Variants in WWOX observed in about 807,000 individuals in gnomAD.
WWOX encodes WW domain-containing oxidoreductase.
Under a neutral mutation model 46.2 loss-of-function variants are expected in WWOX, and 69 were observed. The observed-to-expected ratio is 1.49, with a 90% CI of 1.23 to 1.82. The LOEUF (loss-of-function observed/expected upper bound fraction) is 1.82, where lower values mean the gene tolerates loss of function less well. Among genes scored for constraint, WWOX ranks in the 40% most tolerant of loss-of-function variants. The pLI is 0.00. For missense variants in WWOX, 919 were observed against 542.6 expected (o/e 1.69, Z -6.89); for synonymous variants, 359 against 202.6 (o/e 1.77, Z -6.56).
At chr16:78,763,526 G>T (rs1416162219) in intron 8 of WWOX, among the ~76,000 whole-genome samples, 1 of 152,148 alleles carries the variant, frequency 6.6e-6, no homozygotes, top group Non-Finnish European at 1.5e-5. Flanking sequence ...TTTTTACATA[G>T]AGTATGAAAC....
At chr16:78,548,992 A>G (rs1457868015) in intron 8 of WWOX, among the ~76,000 whole-genome samples, 5 of 152,308 alleles carry the variant, frequency 3.3e-5, no homozygotes, top group Middle Eastern at 3.4e-3. Flanking sequence ...GGGTTGGTGT[A>G]ATATAATTCA....
intron 4 of WWOX, among the ~76,000 whole-genome samples, chr16:78,125,094 A>G (rs563826765): frequency 1.3e-5 from 2 of 152,288 alleles, no homozygotes; most frequent in East Asian, 3.9e-4. Context: ...TACCTCTACA[A>G]TGTACTTAAT....
intron 8 of WWOX, among the ~76,000 whole-genome samples, chr16:78,583,502 C>T (rs995030759): frequency 6.6e-6 from 1 of 152,164 alleles, no homozygotes; most frequent in South Asian, 2.1e-4. Flanking sequence ...CATCCCAGGT[C>T]ATAAAATGTA....
At chr16:78,193,869 A>AT (rs1313227563) in intron 5 of WWOX, among the ~76,000 whole-genome samples, 32 of 148,626 alleles carry the variant, frequency 2.2e-4, no homozygotes, top group Non-Finnish European at 4.0e-4. Context: ...TATTATTATT[A>AT]TTTTCTATTT....
intron 8 of WWOX, among the ~76,000 whole-genome samples, chr16:79,080,708 T>G (rs1372243819): frequency 6.6e-6 from 1 of 152,172 alleles, no homozygotes; most frequent in Non-Finnish European, 1.5e-5. Flanking sequence ...GGCTCATACC[T>G]GTAATCCCAG....
intron 5 of WWOX, among the ~76,000 whole-genome samples, chr16:78,384,464 T>C (rs1567540211): frequency 6.6e-6 from 1 of 152,172 alleles, no homozygotes; most frequent in Non-Finnish European, 1.5e-5. Flanking sequence ...TATCAGTTAC[T>C]CAGACAGCTT....
chr16:78,903,939 G>A (rs538995486), intron 8 of WWOX, among the ~76,000 whole-genome samples: 4 of 152,210 alleles, frequency 2.6e-5, no homozygotes, highest in South Asian at 4.2e-4. Flanking sequence ...CATTTTCTCC[G>A]GGCCAGCCAC....
At chr16:79,020,015 T>C (rs2656653) in intron 8 of WWOX, among the ~76,000 whole-genome samples, 117,174 of 152,162 alleles carry the variant, frequency 0.77, 45,817 homozygotes, top group African/African-American at 0.9. Context: ...GAGCTCATCA[T>C]TAACATGCCT....
At chr16:79,206,467 T>G (rs1567618273) in intron 8 of WWOX, 1 of 152,200 alleles carries the variant, frequency 6.6e-6, no homozygotes, top group East Asian at 1.9e-4. Context: ...TAAATGGAAA[T>G]ACTAACTGTC....
At chr16:78,931,488 G>A (rs1474767562) in intron 8 of WWOX, among the ~76,000 whole-genome samples, 1 of 152,206 alleles carries the variant, frequency 6.6e-6, no homozygotes, top group Non-Finnish European at 1.5e-5. Context: ...TGCTGGGCTG[G>A]GCCAGTTCAG....
chr16:78,732,717 C>T (rs12448888), intron 8 of WWOX, among the ~76,000 whole-genome samples: 30,101 of 151,964 alleles, frequency 0.2, 3,661 homozygotes, highest in African/African-American at 0.33. Context: ...ACTCAACTCC[C>T]TTGGTTAATT....
At chr16:78,995,002 G>GCCTCT (rs2046961730) in intron 8 of WWOX, among the ~76,000 whole-genome samples, 1 of 105,430 alleles carries the variant, frequency 9.5e-6, no homozygotes, top group South Asian at 3.2e-4. Context: ...TTTCCTCCCA[G>GCCTCT]CCTCTCTCCT....
chr16:78,827,679 A>AG (rs1781514200), intron 8 of WWOX, among the ~76,000 whole-genome samples: 1 of 151,398 alleles, frequency 6.6e-6, no homozygotes, highest in Admixed American at 6.6e-5. Context: ...CTAAAAATAA[A>AG]AAAAAAAAAA....
At chr16:78,293,564 C>T (rs903003660) in intron 5 of WWOX, among the ~76,000 whole-genome samples, 6 of 152,116 alleles carry the variant, frequency 3.9e-5, no homozygotes, top group East Asian at 3.9e-4. Context: ...TTTCCCCTCC[C>T]GTGCTGGTGG....
intron 8 of WWOX, chr16:78,552,404 A>G (rs1450531640): frequency 1.3e-5 from 2 of 152,220 alleles, no homozygotes; most frequent in African/African-American, 4.8e-5. Flanking sequence ...AAAAGGGAAT[A>G]GCGTGATGCT....
chr16:78,365,092 T>C (rs935978023), intron 5 of WWOX, among the ~76,000 whole-genome samples: 1 of 152,228 alleles, frequency 6.6e-6, no homozygotes, highest in African/African-American at 2.4e-5. Flanking sequence ...GCTTAAGTTA[T>C]GTGATTTCCA....
chr16:79,036,770 C>G (rs912023053), intron 8 of WWOX, among the ~76,000 whole-genome samples: 1 of 152,210 alleles, frequency 6.6e-6, no homozygotes, highest in African/African-American at 2.4e-5. Flanking sequence ...TGCTGCATAT[C>G]TGTCATCATG....
intron 6 of WWOX, among the ~76,000 whole-genome samples, chr16:78,392,100 G>T (rs1167207207): frequency 6.6e-6 from 1 of 151,636 alleles, no homozygotes; most frequent in East Asian, 1.9e-4. Context: ...CAAACCAATA[G>T]CGGAGCCGTG....
chr16:78,632,121 C>G (rs546566052), intron 8 of WWOX, among the ~76,000 whole-genome samples: 1 of 152,152 alleles, frequency 6.6e-6, no homozygotes, highest in South Asian at 2.1e-4. Context: ...GATAGAAAAA[C>G]ACTTGAGATC....
Sources: allele counts gnomAD v4.1 joint callset (sites outside exome capture counted in the v4.1 genomes callset), GRCh38; gene constraint gnomAD v4.1.1; transcripts MANE v1.5; gene names NCBI Gene and HGNC (gene_info 2026-07-23, HGNC 2026-07-21).